RAD54L: variants seen among roughly 807,000 people sequenced by gnomAD.
RAD54L encodes the protein RAD54 like, also known as DNA repair and recombination protein RAD54-like.
In RAD54L, 74 loss-of-function variants were observed where a neutral mutation model predicts 91.6. The observed-to-expected ratio is 0.81, with a 90% CI of 0.67 to 0.98. The LOEUF (loss-of-function observed/expected upper bound fraction) is 0.98. Ranked by LOEUF, RAD54L falls within the 50% of genes least tolerant of loss-of-function variation. The pLI, the probability that RAD54L is intolerant of heterozygous loss-of-function variation, is 0.00. For missense variants in RAD54L, 887 were observed against 945.7 expected, an observed-to-expected ratio of 0.94 and a Z score of 0.81; for synonymous variants, 304 against 349.7, an observed-to-expected ratio of 0.87 and a Z score of 1.46.
At chr1:46,273,277 C>G in intron 12 of RAD54L, 78 bp from the exon 13 acceptor site, 5 of 1,215,492 alleles carry the variant, frequency 4.1e-6, no homozygotes, top group South Asian at 1.2e-5. Flanking sequence ...GGCTAGGCTT[C>G]TAGAGGGAGT....
intron 10 of RAD54L, among the ~76,000 whole-genome samples, chr1:46,271,648 C>T (rs1660429611): frequency 6.6e-6 from 1 of 151,600 alleles, no homozygotes; most frequent in African/African-American, 2.4e-5. Context: ...CAGAGCAAGA[C>T]TCCGTCTCAA....
chr1:46,269,376 A>G (rs1156516431), intron 9 of RAD54L, among the ~76,000 whole-genome samples: 1 of 150,114 alleles, frequency 6.7e-6, no homozygotes, highest in Admixed American at 6.7e-5. Flanking sequence ...TGGTGAGATC[A>G]TGGCTCACTG....
At chr1:46,259,681 C>A (rs193015506) in intron 4 of RAD54L, among the ~76,000 whole-genome samples, 4 of 151,484 alleles carry the variant, frequency 2.6e-5, no homozygotes, top group Non-Finnish European at 4.4e-5. Flanking sequence ...GAGGCTGAGG[C>A]AGGAGAATTG....
chr1:46,260,514 C>T (rs374634207), intron 5 of RAD54L, 28 bp from the exon 6 acceptor site: 17 of 1,606,934 alleles, frequency 1.1e-5, no homozygotes, highest in Admixed American at 5.0e-5. Context: ...TGTCTGAGCA[C>T]GCTGTTTTCT....
Position 46,278,119 on chromosome 1 carries a change from C to G in RAD54L, c.2081C>G (p.Pro694Arg), listed in dbSNP as rs181459154. ...AACAGCCGTCAGATCCGGCCACCCC[C>G]TGATGGTTCTGACTGCACTTCAGAC... ...CVNSRQIRPP[P>R]DGSDCTSDLA... is the part of the protein sequence containing the mutation. Residue 694 changes from proline to arginine, a missense_variant, in exon 18 of 18, where the codon CCT (proline) becomes CGT (arginine). By Grantham distance (103) the Pro-to-Arg change is moderately radical. Transcript: ENST00000371975. 1.2e-6 allele frequency: 2 copies of G among 1,613,864 alleles called. No individual in the cohort carries two copies. The highest frequency in any genetic ancestry group is 2.7e-5 in the African/African-American group (2 of 75,052).
rs769214858 is a variant in RAD54L at position 46,274,199 on chromosome 1, C to T, written c.1672C>T (p.Arg558Cys). Residue 558 changes from arginine to cysteine, a missense_variant, in exon 15 of 18, where the codon CGC (arginine) becomes TGC (cysteine). Coordinates refer to ENST00000371975, the MANE Select transcript of RAD54L (RefSeq NM_003579.4). ...TAAGAAGCGAGCCAAGGTTGTAGAA[C>T]GCTTCAATAGTCCATCGGTAAATGC... ...SIKKRAKVVE[R>C]FNSPSSPDFV... The T allele has an allele frequency of 2.4e-5, 38 of 1,612,954 alleles. No individual in the cohort carries two copies. In the South Asian group the frequency reaches 2.9e-4, roughly 12 times the overall value.
chr1:46,276,903 C>T (rs1210444946), intron 16 of RAD54L, among the ~76,000 whole-genome samples: 1 of 152,158 alleles, frequency 6.6e-6, no homozygotes, highest in African/African-American at 2.4e-5. Flanking sequence ...CGGGTTCAAG[C>T]GATTCTCCTG....
At chr1:46,275,877 T>C (rs1660579451) in intron 16 of RAD54L, among the ~76,000 whole-genome samples, 1 of 152,014 alleles carries the variant, frequency 6.6e-6, no homozygotes, top group Non-Finnish European at 1.5e-5. Flanking sequence ...GAGGATCACT[T>C]GAGGCTAAGA....
Position 46,263,677 on chromosome 1 carries a change from C to T in RAD54L, c.891+2292C>T, listed in dbSNP as rs546401239. Reference sequence around the variant, plus strand: ...ACTGCCCTGTGGTTCAAGGCCCTGACATCTGCTTCATCACTGTGGAGGGGG... The same window carrying T: ...ACTGCCCTGTGGTTCAAGGCCCTGATATCTGCTTCATCACTGTGGAGGGGG... On this transcript the variant is annotated intron_variant, in intron 8 of 17. Transcript: ENST00000371975. The surrounding 1 kb of genome is among the most constrained non-coding windows in gnomAD (Gnocchi z 4.3). Among the ~76,000 whole-genome samples, 259 of 152,240 alleles carry T rather than the reference C, an allele frequency of 1.7e-3. 1 individual carries two copies. Among genetic ancestry groups the T allele is most frequent in the Non-Finnish European group, 2.6e-3 (180 of 68,016 alleles).
intron 3 of RAD54L, among the ~76,000 whole-genome samples, chr1:46,254,540 CAGA>C (rs1659888539): frequency 1.3e-5 from 2 of 150,816 alleles, no homozygotes; most frequent in South Asian, 2.1e-4. Flanking sequence ...AATGGGTAGT[CAGA>C]AGATCTGAGG....
At chr1:46,272,025 C>CTTTTTT (rs1162693010) in intron 10 of RAD54L, among the ~76,000 whole-genome samples, 563 of 41,142 alleles carry the variant, frequency 0.014, 126 homozygotes, top group East Asian at 0.019. Context: ...GGTCTGATGA[C>CTTTTTT]TTTTTTTTTT....
intron 9 of RAD54L, among the ~76,000 whole-genome samples, chr1:46,270,149 C>G (rs183379670): frequency 6.6e-6 from 1 of 151,834 alleles, no homozygotes; most frequent in Non-Finnish European, 1.5e-5. Context: ...GCGGGCAGAT[C>G]GCGAGATCAG....
chr1:46,257,615 A>G (rs1659978954), intron 3 of RAD54L, among the ~76,000 whole-genome samples: 1 of 152,040 alleles, frequency 6.6e-6, no homozygotes. Context: ...CACCAGTGCT[A>G]CCTCTCTAGG....
intron 8 of RAD54L, among the ~76,000 whole-genome samples, chr1:46,262,547 C>T (rs1460234434): frequency 1.3e-5 from 2 of 151,962 alleles, no homozygotes; most frequent in Admixed American, 6.6e-5. Context: ...ATGCATTCAG[C>T]TCAATAAATC....
chr1:46,261,275 C>A lies in RAD54L; in HGVS notation c.781C>A (p.Gln261Lys). 2 of 1,613,016 alleles carry A rather than the reference C, an allele frequency of 1.2e-6. No individual in the cohort carries two copies. Among genetic ancestry groups the A allele is most frequent in the Non-Finnish European group, 1.7e-6 (2 of 1,179,894 alleles). The change falls in exon 8 of 18, where the codon CAG becomes AAG. Residue 261 changes from glutamine to lysine, a missense_variant. Coordinates refer to ENST00000371975, the MANE Select transcript of RAD54L (RefSeq NM_003579.4). ...TTCTGTTGTAGAAGGATTCATGAAC[C>A]AGCGTGGAGCCAGGGTGTCTTCTCC... ...IDQKLEGFMN[Q>K]RGARVSSPIL...
In RAD54L at chr1:46,273,741, C is replaced by T. The variant is rs2148302183; in HGVS notation, c.1604C>T (p.Ala535Val). The T allele has an allele frequency of 6.2e-7, 1 of 1,606,204 alleles. No homozygotes were observed. Among genetic ancestry groups the T allele is most frequent in the Non-Finnish European group, 8.5e-7 (1 of 1,176,048 alleles). The stretch of plus-strand genomic sequence containing the variant: ...GATCTCTTTGAGAAGCTGTGCCGTG[C>T]CCGAAGGTAGGGAAGATCCTAACCA... ...TLDLFEKLCRARRYLYVRLDG... is the reference protein window; with the variant it reads ...TLDLFEKLCRVRRYLYVRLDG... Residue 535 changes from alanine to valine, a missense_variant, in exon 14 of 18, where the codon GCC (alanine) becomes GTC (valine). Transcript: ENST00000371975.
At chr1:46,274,868 C>T (rs920232912) in intron 16 of RAD54L, 151 bp downstream of exon 16, 5 of 911,728 alleles carry the variant, frequency 5.5e-6, no homozygotes, top group Non-Finnish European at 6.9e-6. Context: ...CTTCTGTTCT[C>T]CCTCCCCTTC....
chr1:46,266,349 C>T (rs1294410665), intron 8 of RAD54L, among the ~76,000 whole-genome samples: 1 of 152,182 alleles, frequency 6.6e-6, no homozygotes, highest in Admixed American at 6.5e-5. Context: ...CATTTAATTG[C>T]GTTGTCAAAG....
chr1:46,267,352 C>T (rs1043358551), intron 8 of RAD54L, 107 bp from the exon 9 acceptor site: 24 of 1,485,362 alleles, frequency 1.6e-5, no homozygotes, highest in East Asian at 4.6e-5. Context: ...GCATGAGCCA[C>T]GGCGCCCGGC....
Sources: allele counts gnomAD v4.1 joint callset (sites outside exome capture counted in the v4.1 genomes callset), GRCh38; gene constraint gnomAD v4.1.1; non-coding constraint Gnocchi (gnomAD v3.1); transcripts MANE v1.5; gene names NCBI Gene and HGNC (gene_info 2026-07-23, HGNC 2026-07-21).